Variants in ZUP1 observed in about 807,000 individuals in gnomAD.
ZUP1 encodes the protein zinc finger-containing ubiquitin peptidase 1.
A neutral mutation model predicts 68.1 loss-of-function variants in ZUP1; 55 were observed. The observed-to-expected ratio is 0.81, with a 90% CI of 0.65 to 1.01. The LOEUF (loss-of-function observed/expected upper bound fraction) is 1.01, where lower values mean the gene tolerates loss of function less well. ZUP1 is among the 50% of genes least tolerant of loss of function. ZUP1 has a pLI of 0.00. For missense variants in ZUP1, 684 were observed against 674.9 expected, an observed-to-expected ratio of 1.01 and a Z score of -0.15; for synonymous variants, 223 against 221.5, an observed-to-expected ratio of 1.01 and a Z score of -0.06.
In ZUP1 at chr6:116,660,830, G is replaced by C. The variant is rs1469739289; in HGVS notation, c.576C>G (p.Leu192=). 1 of 1,582,242 alleles carries C rather than the reference G, an allele frequency of 6.3e-7. No homozygotes were observed. The highest frequency in any genetic ancestry group is 1.7e-5 in the Admixed American group (1 of 57,712). ...DIPLEDCDQP[L]YDCPMCGLIC... Reference sequence around the variant, plus strand: ...TGAGCCCACACATAGGACAATCATAGAGTGGTTGATCACAGTCTGTATCAG... The same window carrying C: ...TGAGCCCACACATAGGACAATCATACAGTGGTTGATCACAGTCTGTATCAG... Residue 192 remains leucine, a synonymous_variant, in exon 3 of 10, where the codon CTC becomes CTG. Transcript: ENST00000368576.
At chr6:116,657,870 C>T (rs1776717096) in intron 4 of ZUP1, among the ~76,000 whole-genome samples, 1 of 152,204 alleles carries the variant, frequency 6.6e-6, no homozygotes, top group South Asian at 2.1e-4. Context: ...GCAGGTGGAT[C>T]ACCTGAGTTT....
At chr6:116,663,148 T>A (rs929869493) in intron 2 of ZUP1, among the ~76,000 whole-genome samples, 4 of 152,152 alleles carry the variant, frequency 2.6e-5, no homozygotes, top group Non-Finnish European at 5.9e-5. Context: ...CAAACACCTA[T>A]CCTTCTACCT....
chr6:116,665,129 C>T (rs1164361153), intron 2 of ZUP1, among the ~76,000 whole-genome samples: 1 of 151,602 alleles, frequency 6.6e-6, no homozygotes, highest in African/African-American at 2.4e-5. Flanking sequence ...CTGAAAAAAA[C>T]TCAAAAAATA....
chr6:116,648,191 C>T (rs1776373249), intron 7 of ZUP1, among the ~76,000 whole-genome samples: 1 of 152,204 alleles, frequency 6.6e-6, no homozygotes, highest in Non-Finnish European at 1.5e-5. Flanking sequence ...CACCGGACCA[C>T]CGTGGTATTC....
intron 5 of ZUP1, 98 bp downstream of exon 5, chr6:116,656,586 A>T: frequency 1.1e-6 from 1 of 935,218 alleles, no homozygotes; most frequent in Non-Finnish European, 1.6e-6. Flanking sequence ...ATATTTGTGC[A>T]CAGATTATGA....
chr6:116,640,232 G>A (rs1347292292), intron 9 of ZUP1, among the ~76,000 whole-genome samples: 2 of 152,086 alleles, frequency 1.3e-5, no homozygotes, highest in Admixed American at 6.5e-5. Context: ...TGAAAGTGAC[G>A]GGGAGAATGG....
intron 9 of ZUP1, among the ~76,000 whole-genome samples, chr6:116,638,854 G>A (rs535238209): frequency 2.6e-5 from 4 of 152,176 alleles, no homozygotes; most frequent in African/African-American, 9.7e-5. Context: ...TGGGTGCAGC[G>A]CACCATGCGC....
chr6:116,665,363 A>G (rs530521104), intron 2 of ZUP1, among the ~76,000 whole-genome samples: 1 of 152,314 alleles, frequency 6.6e-6, no homozygotes, highest in Non-Finnish European at 1.5e-5. Context: ...TCAAACTTCT[A>G]GAAGTTGGCA....
At chr6:116,640,092 T>C (rs1776044618) in intron 9 of ZUP1, among the ~76,000 whole-genome samples, 1 of 151,930 alleles carries the variant, frequency 6.6e-6, no homozygotes, top group African/African-American at 2.4e-5. Flanking sequence ...GTATCAGCGA[T>C]GGAAGATGAA....
At chr6:116,660,965 T>A in intron 2 of ZUP1, 119 bp from the exon 3 acceptor site, 2 of 586,416 alleles carry the variant, frequency 3.4e-6, no homozygotes, top group South Asian at 4.6e-5. Context: ...AGTGGCACCA[T>A]CACGGCTCAC....
intron 7 of ZUP1, among the ~76,000 whole-genome samples, chr6:116,649,114 A>G (rs1002856883): frequency 2.6e-5 from 4 of 152,204 alleles, no homozygotes; most frequent in Non-Finnish European, 5.9e-5. Flanking sequence ...GGGCATTAAA[A>G]TAGTTCTTTA....
chr6:116,656,077 GTTTTT>G (rs34192854), intron 5 of ZUP1, among the ~76,000 whole-genome samples: 14 of 104,112 alleles, frequency 1.3e-4, no homozygotes, highest in Non-Finnish European at 2.0e-4. Flanking sequence ...ACTTTTTTTT[GTTTTT>G]TTTTTGTTTT....
chr6:116,640,596 C>T (rs1378281762), intron 9 of ZUP1, among the ~76,000 whole-genome samples: 23 of 151,812 alleles, frequency 1.5e-4, no homozygotes, highest in African/African-American at 4.8e-4. Flanking sequence ...CTAAGCTTCA[C>T]AAGTGAAGGA....
Position 116,635,852 on chromosome 6 carries a change from T to C in ZUP1, c.1717A>G (p.Thr573Ala). The change falls in exon 10 of 10, where the codon ACA (threonine) becomes GCA (alanine). Residue 573 changes from threonine to alanine, a missense_variant. Physicochemically the swap from Thr to Ala is moderately conservative, Grantham distance 58 (BLOSUM62 0). Coordinates refer to ENST00000368576, the MANE Select transcript of ZUP1 (RefSeq NM_145062.3). The stretch of plus-strand genomic sequence containing the variant: ...ATTCTTCAAGGAATCTTCTCGGCTG[T>C]AAAGACTTGAGAAGCTTGTCTCCTG... ...LARRQASQVFTAEKIP is the reference protein window; with the variant it reads ...LARRQASQVFAAEKIP The C allele has an allele frequency of 6.2e-7, 1 of 1,600,138 alleles. No homozygotes were observed. Among genetic ancestry groups the C allele is most frequent in the Non-Finnish European group, 8.5e-7 (1 of 1,175,564 alleles).
At position 116,666,952 on chromosome 6, in the gene ZUP1, G is replaced by T; in HGVS notation, c.241C>A (p.Leu81Ile). Residue 81 changes from leucine to isoleucine, a missense_variant, in exon 2 of 10, where the codon CTA (leucine) becomes ATA (isoleucine). Leu to Ile is a conservative substitution (Grantham distance 5). Transcript: ENST00000368576. ...GAATTAACTTCCATTCCACACTGTAGGGTGTTGTCTTTCTTGTTATCTGAA... is the reference window on the plus strand; with the variant it reads ...GAATTAACTTCCATTCCACACTGTATGGTGTTGTCTTTCTTGTTATCTGAA... Reference protein sequence around the residue: ...GTSDNKKDNTLQCGMEVNSSI... With the variant: ...GTSDNKKDNTIQCGMEVNSSI... 6.2e-7 allele frequency: 1 copy of T among 1,613,708 alleles called. No individual in the cohort carries two copies.
chr6:116,665,364 G>A (rs1209923383), intron 2 of ZUP1, among the ~76,000 whole-genome samples: 2 of 152,010 alleles, frequency 1.3e-5, no homozygotes, highest in African/African-American at 2.4e-5. Flanking sequence ...CAAACTTCTA[G>A]AAGTTGGCAA....
intron 9 of ZUP1, among the ~76,000 whole-genome samples, chr6:116,645,481 T>A (rs993003347): frequency 6.7e-6 from 1 of 149,524 alleles, no homozygotes; most frequent in African/African-American, 2.5e-5. Flanking sequence ...CTTGGGAGGC[T>A]GAGGCAGGAG....
At chr6:116,640,397 A>G (rs189865680) in intron 9 of ZUP1, among the ~76,000 whole-genome samples, 1 of 152,192 alleles carries the variant, frequency 6.6e-6, no homozygotes, top group African/African-American at 2.4e-5. Context: ...CAGATTTACC[A>G]AAGCTGAAAT....
At chr6:116,662,723 C>G (rs1186635952) in intron 2 of ZUP1, among the ~76,000 whole-genome samples, 1 of 152,174 alleles carries the variant, frequency 6.6e-6, no homozygotes, top group Non-Finnish European at 1.5e-5. Flanking sequence ...CCCATTTTCT[C>G]TACAGCCCCC....
Sources: gnomAD v4.1 joint callset for allele counts (sites outside exome capture counted in the v4.1 genomes callset) on GRCh38, gnomAD v4.1.1 for gene constraint, MANE v1.5 for transcripts, NCBI Gene and HGNC (gene_info 2026-07-23, HGNC 2026-07-21) for gene names.